Variants in UST observed in about 807,000 individuals in gnomAD.
UST encodes the protein uronyl 2-sulfotransferase.
A neutral mutation model predicts 45.6 loss-of-function variants in UST; 21 were observed. That is an observed-to-expected ratio of 0.46 (90% CI 0.33 to 0.66). UST has a LOEUF of 0.66. Among genes scored for constraint, UST ranks in the 30% least tolerant of loss-of-function variants. The pLI, the probability that UST is intolerant of heterozygous loss-of-function variation, is 0.02. For synonymous variants in UST, 215 were observed against 200.6 expected, an observed-to-expected ratio of 1.07 and a Z score of -0.61; for missense variants, 463 against 512.4, an observed-to-expected ratio of 0.90 and a Z score of 0.93.
At chr6:149,037,944 G>A (rs1030056465) in intron 7 of UST, among the ~76,000 whole-genome samples, 3 of 152,124 alleles carry the variant, frequency 2.0e-5, no homozygotes, top group Admixed American at 1.3e-4. Context: ...AGGCATCTGG[G>A]GCCTCCGAGG....
chr6:148,954,382 T>G (rs1353254492), intron 4 of UST, among the ~76,000 whole-genome samples: 2 of 152,256 alleles, frequency 1.3e-5, no homozygotes, highest in Non-Finnish European at 2.9e-5. Flanking sequence ...TCTGTCTGTC[T>G]TTTTAATACA....
intron 3 of UST, among the ~76,000 whole-genome samples, chr6:148,946,309 G>A (rs911325116): frequency 5.3e-5 from 8 of 151,800 alleles, no homozygotes; most frequent in Non-Finnish European, 7.4e-5. Context: ...TCAGGAGTTC[G>A]AGACCAGCCT....
chr6:149,041,518 A>C (rs1363021000), intron 7 of UST, among the ~76,000 whole-genome samples: 1 of 152,082 alleles, frequency 6.6e-6, no homozygotes, highest in African/African-American at 2.4e-5. Context: ...TTCTGGAGGG[A>C]ACCCCTCTCC....
intron 1 of UST, among the ~76,000 whole-genome samples, chr6:148,751,801 T>G (rs1176638525): frequency 1.3e-5 from 2 of 152,056 alleles, no homozygotes; most frequent in African/African-American, 4.8e-5. Flanking sequence ...AAAAATCAAA[T>G]AAAATCTCCC....
chr6:148,809,604 A>G (rs1302707455), intron 1 of UST, among the ~76,000 whole-genome samples: 3 of 152,254 alleles, frequency 2.0e-5, no homozygotes, highest in Admixed American at 2.0e-4. Context: ...TTTGGAAAGT[A>G]GAAGCTAGGA....
intron 2 of UST, among the ~76,000 whole-genome samples, chr6:148,896,775 ACTTT>A (rs1779140347): frequency 6.6e-6 from 1 of 152,158 alleles, no homozygotes; most frequent in Non-Finnish European, 1.5e-5. Context: ...TTCCTTCTGA[ACTTT>A]CTGTTCATTC....
At chr6:149,067,935 G>A (rs1291912702) in intron 7 of UST, among the ~76,000 whole-genome samples, 1 of 152,120 alleles carries the variant, frequency 6.6e-6, no homozygotes, top group Admixed American at 6.6e-5. Flanking sequence ...CCACCAGGAC[G>A]CAGTTTTACC....
chr6:148,821,512 T>A (rs1777465592), intron 1 of UST, among the ~76,000 whole-genome samples: 1 of 152,212 alleles, frequency 6.6e-6, no homozygotes, highest in Non-Finnish European at 1.5e-5. Context: ...CTGCCAAGTT[T>A]CTACATGATA....
intron 5 of UST, among the ~76,000 whole-genome samples, chr6:148,977,682 G>T (rs1781044753): frequency 6.6e-6 from 1 of 151,268 alleles, no homozygotes; most frequent in Non-Finnish European, 1.5e-5. Flanking sequence ...AACTCGGGAG[G>T]TGGAGCTTGC....
At chr6:148,806,981 AGC>A (rs1352425112) in intron 1 of UST, among the ~76,000 whole-genome samples, 3 of 152,218 alleles carry the variant, frequency 2.0e-5, no homozygotes, top group African/African-American at 7.2e-5. Context: ...CTGTTGCAAG[AGC>A]AATTCAATCA....
intron 1 of UST, among the ~76,000 whole-genome samples, chr6:148,772,169 GGAGA>G (rs1319525491): frequency 6.6e-6 from 1 of 152,186 alleles, no homozygotes; most frequent in African/African-American, 2.4e-5. Context: ...TGTTTAGAAA[GGAGA>G]GAGAATAGAA....
intron 1 of UST, among the ~76,000 whole-genome samples, chr6:148,751,265 T>A (rs1775985410): frequency 6.6e-6 from 1 of 152,352 alleles, no homozygotes; most frequent in Non-Finnish European, 1.5e-5. Context: ...CAGTTTTTAA[T>A]TTCAACTTTT....
rs1188262007 is a variant in UST at position 148,747,113 on chromosome 6, C to A, written c.-318C>A. The stretch of plus-strand genomic sequence containing the variant: ...CCACGCTGGCGCTGGAGGCGAGCCC[C>A]GGCGGCCGCAAGCGAGCCCGAGGCG... On this transcript the variant is annotated 5_prime_UTR_variant, in exon 1 of 8. Coordinates refer to ENST00000367463, the MANE Select transcript of UST (RefSeq NM_005715.3). 6.6e-6 allele frequency among the ~76,000 whole-genome samples: 1 copy of A among 150,642 alleles called. No individual in the cohort carries two copies. The highest frequency in any genetic ancestry group is 2.4e-5 in the African/African-American group (1 of 41,284).
At chr6:149,038,748 G>A (rs531135077) in intron 7 of UST, among the ~76,000 whole-genome samples, 285 of 152,268 alleles carry the variant, frequency 1.9e-3, no homozygotes, top group African/African-American at 6.5e-3. Context: ...CTTGGATTAG[G>A]ACAAAGAGCC....
intron 5 of UST, among the ~76,000 whole-genome samples, chr6:149,014,068 G>GTCT (rs1775859673): frequency 6.6e-6 from 1 of 152,240 alleles, no homozygotes; most frequent in South Asian, 2.1e-4. Flanking sequence ...TTATGTCTCA[G>GTCT]GCAGAAGCAG....
At chr6:148,950,908 A>G (rs1314347702) in intron 3 of UST, among the ~76,000 whole-genome samples, 1 of 152,224 alleles carries the variant, frequency 6.6e-6, no homozygotes, top group East Asian at 1.9e-4. Flanking sequence ...CCTGAGCAAC[A>G]TTGCCTGATA....
chr6:149,050,163 A>G (rs1388869401), intron 7 of UST, among the ~76,000 whole-genome samples: 1 of 152,248 alleles, frequency 6.6e-6, no homozygotes, highest in Non-Finnish European at 1.5e-5. Flanking sequence ...TAATTGAATT[A>G]CAAGAAGGTA....
chr6:148,911,712 G>GAA (rs71659541), intron 2 of UST, among the ~76,000 whole-genome samples: 1 of 147,286 alleles, frequency 6.8e-6, no homozygotes, highest in South Asian at 2.1e-4. Context: ...GTAATTATCA[G>GAA]AAAAAAAAAA....
chr6:148,858,704 G>A (rs1778251328), intron 1 of UST, among the ~76,000 whole-genome samples: 1 of 151,958 alleles, frequency 6.6e-6, no homozygotes, highest in Non-Finnish European at 1.5e-5. Flanking sequence ...GTGTCCATGT[G>A]TTCTCATTGT....
Sources: gnomAD v4.1 joint callset for allele counts (sites outside exome capture counted in the v4.1 genomes callset) on GRCh38, gnomAD v4.1.1 for gene constraint, MANE v1.5 for transcripts, NCBI Gene and HGNC (gene_info 2026-07-23, HGNC 2026-07-21) for gene names.